Variants in TMEM132B observed in about 807,000 individuals in gnomAD.
TMEM132B encodes transmembrane protein 132B.
In TMEM132B, 18 loss-of-function variants were observed where a neutral mutation model predicts 90.8. That is an observed-to-expected ratio of 0.20 (90% CI 0.14 to 0.29). TMEM132B has a LOEUF of 0.29. TMEM132B is among the 10% of genes least tolerant of loss of function. The pLI is 1.00. For missense variants in TMEM132B, 1,096 were observed against 1,326.8 expected, an observed-to-expected ratio of 0.83 and a Z score of 2.70; for synonymous variants, 504 against 523.3, an observed-to-expected ratio of 0.96 and a Z score of 0.50.
chr12:125,539,618 G>C (rs1162965493), intron 4 of TMEM132B, among the ~76,000 whole-genome samples: 1 of 152,204 alleles, frequency 6.6e-6, no homozygotes, highest in African/African-American at 2.4e-5. Context: ...ATGGTTGGCT[G>C]TCATTTTGAG....
intron 1 of TMEM132B, among the ~76,000 whole-genome samples, chr12:125,297,565 C>G (rs778378814): frequency 6.6e-6 from 1 of 152,218 alleles, no homozygotes; most frequent in Non-Finnish European, 1.5e-5. Flanking sequence ...ATGTGTCAGG[C>G]ATTACGCTCA....
Position 125,415,800 on chromosome 12 carries a change from T to A in TMEM132B, c.1106+123T>A. 1 of 1,287,638 alleles carries A rather than the reference T, an allele frequency of 7.8e-7. No individual in the cohort carries two copies. The highest frequency in any genetic ancestry group is 1.0e-6 in the Non-Finnish European group (1 of 981,052). The allele number at this position is 1,287,638 out of a possible 1,614,324, so 79.8% of individuals were successfully genotyped here. On this transcript the variant is annotated intron_variant, in intron 3 of 8. Transcript: ENST00000682704. This position sits in a 1 kb window ranked among gnomAD's most constrained non-coding sequence, Gnocchi z 5.3. ...CCTCTGCGTTTAATGAGAAATGATT[T>A]TTGAGGTCGGCAGTCTCAAAAATCA...
At chr12:125,243,923 CT>C (rs1874147906) in intron 1 of TMEM132B, among the ~76,000 whole-genome samples, 1 of 152,172 alleles carries the variant, frequency 6.6e-6, no homozygotes, top group Admixed American at 6.5e-5. Flanking sequence ...CCAACGCCCC[CT>C]CTCCCCCCAG....
intron 5 of TMEM132B, among the ~76,000 whole-genome samples, chr12:125,613,169 T>TTATATATAAATATATATCATATATATTTA (rs1566089632): frequency 8.0e-5 from 10 of 124,844 alleles, no homozygotes; most frequent in African/African-American, 3.1e-4. Context: ...TATTTATATA[T>TTATATATAAATATATATCATATATATTTA]TATATATAAA....
intron 3 of TMEM132B, among the ~76,000 whole-genome samples, chr12:125,491,593 C>T (rs58330822): frequency 0.069 from 10,548 of 152,304 alleles, 388 homozygotes; most frequent in South Asian, 0.16. Flanking sequence ...GAGCTGAGAA[C>T]CCTCTACCTA....
chr12:125,504,905 T>C (rs1021219152), intron 3 of TMEM132B, among the ~76,000 whole-genome samples: 3 of 151,406 alleles, frequency 2.0e-5, no homozygotes, highest in African/African-American at 7.3e-5. Context: ...AAAAAAAAGA[T>C]CTAGAGAAAG....
At chr12:125,380,738 A>C (rs1156567166) in intron 2 of TMEM132B, among the ~76,000 whole-genome samples, 1 of 152,228 alleles carries the variant, frequency 6.6e-6, no homozygotes, top group African/African-American at 2.4e-5. Flanking sequence ...GATTGGAAGC[A>C]AGAGGAACGC....
Position 125,656,253 on chromosome 12 carries a change from G to T in TMEM132B, c.*1543G>T, listed in dbSNP as rs189770164. ...TTTACTGAGCCATTTGCATCTCTAA[G>T]AAATATGATTTTAAAGGCCCAAAGT... On this transcript the variant is annotated 3_prime_UTR_variant, in exon 9 of 9. Coordinates refer to ENST00000682704, the MANE Select transcript of TMEM132B (RefSeq NM_001366854.1). 3.9e-5 allele frequency: 6 copies of T among 152,264 alleles called. No individual in the cohort carries two copies. In the East Asian group the frequency reaches 1.2e-3, roughly 29 times the overall value. 9.4% of individuals were successfully genotyped at this position (152,264 alleles called of 1,614,324 possible).
chr12:125,225,645 A>G (rs911437727), intron 1 of TMEM132B, among the ~76,000 whole-genome samples: 1 of 152,186 alleles, frequency 6.6e-6, no homozygotes, highest in African/African-American at 2.4e-5. Flanking sequence ...GAACAGTTCA[A>G]TCAGAGTGTG....
chr12:125,369,815 G>A lies in TMEM132B; in HGVS notation c.959+19472G>A, dbSNP rs149102735. On this transcript the variant is annotated intron_variant, in intron 2 of 8. Transcript: ENST00000682704. The stretch of plus-strand genomic sequence containing the variant: ...CAGTAATCCCAGCACTTTGGAAGGC[G>A]GAGGTGGCGGATCACCTGAGGTCAG... Among the ~76,000 whole-genome samples, 31 of 152,264 alleles carry A rather than the reference G, an allele frequency of 2.0e-4. No homozygotes were observed. The East Asian group carries it at 4.2e-3, about 21-fold the overall frequency.
At chr12:125,555,911 A>G (rs1228582286) in intron 4 of TMEM132B, among the ~76,000 whole-genome samples, 2 of 152,218 alleles carry the variant, frequency 1.3e-5, no homozygotes, top group African/African-American at 4.8e-5. Context: ...GGACCCAAGG[A>G]TAAGATAAGC....
At chr12:125,362,225 C>A (rs1877980922) in intron 2 of TMEM132B, among the ~76,000 whole-genome samples, 1 of 152,182 alleles carries the variant, frequency 6.6e-6, no homozygotes, top group Non-Finnish European at 1.5e-5. Flanking sequence ...CTGCTCAGCG[C>A]TTCCCTGTGC....
intron 5 of TMEM132B, among the ~76,000 whole-genome samples, chr12:125,603,023 C>T (rs1885608257): frequency 6.6e-6 from 1 of 152,182 alleles, no homozygotes; most frequent in African/African-American, 2.4e-5. Context: ...TGAAAATGGC[C>T]ATACTGCCCA....
At chr12:125,571,423 G>A (rs1884792059) in intron 4 of TMEM132B, among the ~76,000 whole-genome samples, 1 of 152,146 alleles carries the variant, frequency 6.6e-6, no homozygotes, top group Non-Finnish European at 1.5e-5. Context: ...GTTATCAAAT[G>A]TTGATACCTA....
intron 3 of TMEM132B, among the ~76,000 whole-genome samples, chr12:125,421,244 A>G (rs1018645867): frequency 6.6e-6 from 1 of 152,176 alleles, no homozygotes; most frequent in Non-Finnish European, 1.5e-5. Context: ...GTACCAACTT[A>G]CTGTATTAGT....
At chr12:125,430,071 C>T (rs1880453113) in intron 3 of TMEM132B, among the ~76,000 whole-genome samples, 1 of 152,236 alleles carries the variant, frequency 6.6e-6, no homozygotes, top group Non-Finnish European at 1.5e-5. Context: ...TGTTTCCTTC[C>T]ACAATGAATC....
chr12:125,333,990 G>A (rs1449855189), intron 1 of TMEM132B, among the ~76,000 whole-genome samples: 1 of 152,002 alleles, frequency 6.6e-6, no homozygotes, highest in South Asian at 2.1e-4. Flanking sequence ...TGAAAATTCA[G>A]CCCCTTCTTC....
chr12:125,218,288 A>G (rs1179841170), intron 1 of TMEM132B, among the ~76,000 whole-genome samples: 5 of 152,084 alleles, frequency 3.3e-5, no homozygotes, highest in African/African-American at 1.2e-4. Flanking sequence ...CTTAAATTAT[A>G]TAATAAAAAT....
At chr12:125,471,866 A>G (rs989536792) in intron 3 of TMEM132B, among the ~76,000 whole-genome samples, 1 of 152,196 alleles carries the variant, frequency 6.6e-6, no homozygotes, top group African/African-American at 2.4e-5. Context: ...CAAGTCACAC[A>G]AGGGGTACAG....
Sources: allele counts gnomAD v4.1 joint callset (sites outside exome capture counted in the v4.1 genomes callset), GRCh38; gene constraint gnomAD v4.1.1; non-coding constraint Gnocchi (gnomAD v3.1); transcripts MANE v1.5; gene names NCBI Gene and HGNC (gene_info 2026-07-23, HGNC 2026-07-21).